The following NBPF15 variants were observed in gnomAD, a reference collection of about 807,000 sequenced individuals.
NBPF15 encodes the protein NBPF family member NBPF15.
In NBPF15, 74 loss-of-function variants were observed where a neutral mutation model predicts 62.2. The observed-to-expected ratio is 1.19, with a 90% CI of 0.99 to 1.44. NBPF15 has a LOEUF of 1.44. Among genes scored for constraint, NBPF15 ranks in the 40% most tolerant of loss-of-function variants. The pLI is 0.00. For missense variants in NBPF15, 790 were observed against 550.0 expected, an observed-to-expected ratio of 1.44 and a Z score of -4.36; for synonymous variants, 244 against 209.7, an observed-to-expected ratio of 1.16 and a Z score of -1.41.
At chr1:144,453,633 CAAAGCAAAA>C (rs1692586577) in intron 4 of NBPF15, among the ~76,000 whole-genome samples, 1 of 35,406 alleles carries the variant, frequency 2.8e-5, no homozygotes, top group African/African-American at 9.6e-5. Flanking sequence ...CTAAACAACA[CAAAGCAAAA>C]AAAAAAAAAA....
In NBPF15 at chr1:144,435,254, G is replaced by C. The variant is rs1265928794; in HGVS notation, c.629C>G (p.Thr210Ser). The change falls in exon 12 of 22, where the codon ACT becomes AGT. Residue 210 changes from threonine (T) to serine (S), a missense_variant. Coordinates refer to ENST00000581897, the MANE Select transcript of NBPF15 (RefSeq NM_001385408.1). ...ATAAGGGCCATGGCTATTTGAACAA[G>C]TGATGGCACATTCCTCCAGTGAGTC... ...PEDSLEECAI[T>S]CSNSHGPYDS... is the part of the protein sequence containing the mutation. 5 of 1,612,640 alleles carry C rather than the reference G, an allele frequency of 3.1e-6. No individual in the cohort carries two copies. Among genetic ancestry groups the C allele is most frequent in the Admixed American group, 1.7e-5 (1 of 59,962 alleles).
intron 13 of NBPF15, among the ~76,000 whole-genome samples, chr1:144,431,328 G>A: frequency 6.7e-6 from 1 of 150,164 alleles, no homozygotes; most frequent in African/African-American, 2.5e-5. Flanking sequence ...CAGAGAGAAA[G>A]GTCGGATTAC....
At chr1:144,457,759 T>C (rs1203137313) in intron 3 of NBPF15, among the ~76,000 whole-genome samples, 1 of 152,080 alleles carries the variant, frequency 6.6e-6, no homozygotes, top group African/African-American at 2.4e-5. Flanking sequence ...TAAGAGATTT[T>C]AGTAAATCTT....
chr1:144,443,304 C>G (rs1171742422), intron 6 of NBPF15, among the ~76,000 whole-genome samples: 1 of 151,926 alleles, frequency 6.6e-6, no homozygotes, highest in Non-Finnish European at 1.5e-5. Context: ...TATTCTTTTA[C>G]TTTGATATAT....
intron 13 of NBPF15, among the ~76,000 whole-genome samples, chr1:144,432,696 T>A (rs1309692249): frequency 6.6e-6 from 1 of 151,606 alleles, no homozygotes; most frequent in African/African-American, 2.4e-5. Context: ...CCAACAAAGA[T>A]CAAAAGAGAC....
chr1:144,445,005 T>G, intron 6 of NBPF15, among the ~76,000 whole-genome samples: 1 of 151,664 alleles, frequency 6.6e-6, no homozygotes, highest in East Asian at 1.9e-4. Flanking sequence ...TTCCAAGTGC[T>G]TTATATCCTC....
intron 21 of NBPF15, 130 bp from the exon 22 acceptor site, chr1:144,423,386 A>C: frequency 6.3e-7 from 1 of 1,578,802 alleles, no homozygotes; most frequent in Non-Finnish European, 8.6e-7. Context: ...TGAGGTAAAA[A>C]AAAAAAATTT....
Position 144,439,938 on chromosome 1 carries a change from C to G in NBPF15, c.66G>C (p.Glu22Asp). ...KAEMNILEIN[E>D]KLRPQLAEKK... ...TCTCTGCCAACTGGGGGCGCAATTT[C>G]TCATTGATTTCTAGAATGTTCATCT... is the stretch of plus-strand genomic sequence containing the variant. The change falls in exon 8 of 22, where the codon GAG becomes GAC. Residue 22 changes from glutamate (E) to aspartate (D), a missense_variant. Coordinates refer to ENST00000581897, the MANE Select transcript of NBPF15 (RefSeq NM_001385408.1). 1.9e-6 allele frequency: 3 copies of G among 1,611,188 alleles called. No homozygotes were observed. The highest frequency in any genetic ancestry group is 2.2e-5 in the South Asian group (2 of 90,962).
chr1:144,423,600 T>A (rs782685039), intron 21 of NBPF15, among the ~76,000 whole-genome samples: 11 of 152,020 alleles, frequency 7.2e-5, no homozygotes, highest in Non-Finnish European at 1.2e-4. Context: ...GTGAGCTCAA[T>A]AGTTTTCCAT....
chr1:144,423,408 G>A lies in NBPF15; in HGVS notation c.1770-152C>T, dbSNP rs1212004069. On this transcript the variant is annotated intron_variant, in intron 21 of 21. Coordinates refer to ENST00000581897, the MANE Select transcript of NBPF15 (RefSeq NM_001385408.1). The stretch of plus-strand genomic sequence containing the variant: ...AAAAAAAAAAATTTATTGCCTTTAT[G>A]TTGGGATAGAACAGGGCCAGGTAGA... 9 of 1,527,136 alleles carry A rather than the reference G, an allele frequency of 5.9e-6. No individual in the cohort carries two copies. In the African/African-American group the frequency reaches 1.3e-4, roughly 22 times the overall value. The allele number at this position is 1,527,136 out of a possible 1,614,324, so 94.6% of individuals were successfully genotyped here. A position where few individuals can be genotyped will look rare whatever the true frequency, so the allele number is the denominator to read the frequency against.
chr1:144,432,180 CA>C (rs1674860785), intron 13 of NBPF15, among the ~76,000 whole-genome samples: 1 of 152,004 alleles, frequency 6.6e-6, no homozygotes, highest in African/African-American at 2.4e-5. Flanking sequence ...AAAGAATTTT[CA>C]ACCCAGAATT....
Position 144,423,935 on chromosome 1 carries a change from T to C in NBPF15, c.1704A>G (p.Arg568=). 1.3e-6 allele frequency: 1 copy of C among 785,542 alleles called. No individual in the cohort carries two copies. Among genetic ancestry groups the C allele is most frequent in the Non-Finnish European group, 2.3e-6 (1 of 436,730 alleles). 48.7% of individuals were successfully genotyped at this position (785,542 alleles called of 1,614,324 possible). The change falls in exon 21 of 22, where the codon AGA becomes AGG. Residue 568 remains arginine, a synonymous_variant. Coordinates refer to ENST00000581897, the MANE Select transcript of NBPF15 (RefSeq NM_001385408.1). ...KKGKGKKRRG[R]RSKKKRRRGR... ...CCCTTCTTCTTTTCTTCTTTGATCT[T>C]CTTCCCCTTCTTTTCTTCCCCTTCC...
intron 4 of NBPF15, among the ~76,000 whole-genome samples, chr1:144,454,970 G>C (rs1327708651): frequency 1.3e-5 from 2 of 151,636 alleles, no homozygotes; most frequent in Admixed American, 1.3e-4. Context: ...GTAGATTTCA[G>C]TGCAGTGTGG....
chr1:144,460,043 T>C (rs1651479196), intron 2 of NBPF15, among the ~76,000 whole-genome samples: 1 of 122,178 alleles, frequency 8.2e-6, no homozygotes, highest in Non-Finnish European at 1.7e-5. Context: ...TTTTTTTTTT[T>C]TTTTTTTTTT....
intron 4 of NBPF15, among the ~76,000 whole-genome samples, chr1:144,451,546 C>G (rs1280715245): frequency 2.0e-5 from 3 of 151,950 alleles, no homozygotes; most frequent in African/African-American, 7.3e-5. Context: ...CCTGGCTTTC[C>G]TAGGCAGAGG....
chr1:144,430,929 G>T (rs1553540116), intron 13 of NBPF15, among the ~76,000 whole-genome samples: 1 of 152,050 alleles, frequency 6.6e-6, no homozygotes, highest in East Asian at 1.9e-4. Flanking sequence ...CGTGGTGCAT[G>T]CACAAGCTTC....
At chr1:144,448,131 A>G (rs1283478290) in intron 6 of NBPF15, among the ~76,000 whole-genome samples, 2 of 151,976 alleles carry the variant, frequency 1.3e-5, no homozygotes, top group Non-Finnish European at 2.9e-5. Context: ...TCACCACAAC[A>G]ATCTCCAATG....
chr1:144,439,427 C>T lies in NBPF15; in HGVS notation c.175+402G>A, dbSNP rs587659756. On this transcript the variant is annotated intron_variant, in intron 8 of 21. Transcript: ENST00000581897. ...CTAGAACAGAGCTTTGCCTGTTGGG[C>T]CTCCACAGAAACTTGAACTGAAGAA... 2.4e-3 allele frequency among the ~76,000 whole-genome samples: 361 copies of T among 152,078 alleles called. 8 individuals carry two copies. Among genetic ancestry groups the T allele is most frequent in the Middle Eastern group, 6.8e-3 (2 of 294 alleles).
rs587598228 is a variant in NBPF15 at position 144,457,203 on chromosome 1, T to G, written c.-700-398A>C. Among the ~76,000 whole-genome samples the G allele has an allele frequency of 2.4e-4, 36 of 152,048 alleles. No individual in the cohort carries two copies. The East Asian group carries it at 6.8e-3, about 29-fold the overall frequency. On this transcript the variant is annotated intron_variant, in intron 3 of 21. Transcript: ENST00000581897. ...CTAAATACTTGAGTAGCCAGGGAAG[T>G]TTTCACAAAGTAATACTTGAGGCAG...
Sources: gnomAD v4.1 joint callset for allele counts (sites outside exome capture counted in the v4.1 genomes callset) on GRCh38, gnomAD v4.1.1 for gene constraint, MANE v1.5 for transcripts, NCBI Gene and HGNC (gene_info 2026-07-23, HGNC 2026-07-21) for gene names.